Variants in ATP10A observed in about 807,000 individuals in gnomAD.
The protein encoded by ATP10A is phospholipid-transporting ATPase VA.
A neutral mutation model predicts 147.8 loss-of-function variants in ATP10A; 111 were observed. The observed-to-expected ratio is 0.75, with a 90% CI of 0.64 to 0.88. The LOEUF (loss-of-function observed/expected upper bound fraction) is 0.88, where lower values mean the gene tolerates loss of function less well. Among genes scored for constraint, ATP10A ranks in the 40% least tolerant of loss-of-function variants. ATP10A has a pLI of 0.00. For missense variants in ATP10A, 1,927 were observed against 1,959.0 expected (o/e 0.98, Z 0.31); for synonymous variants, 875 against 841.6 (o/e 1.04, Z -0.69).
At chr15:25,832,327 G>A (rs933498006) in intron 1 of ATP10A, among the ~76,000 whole-genome samples, 1 of 152,170 alleles carries the variant, frequency 6.6e-6, no homozygotes, top group Non-Finnish European at 1.5e-5. Flanking sequence ...AGAAGCCTCA[G>A]GAAACTCATT....
chr15:25,779,793 A>G (rs1449491958), intron 2 of ATP10A, among the ~76,000 whole-genome samples: 1 of 152,144 alleles, frequency 6.6e-6, no homozygotes, highest in Non-Finnish European at 1.5e-5. Context: ...GCCTTATTCC[A>G]AAAAGATTTG....
intron 1 of ATP10A, among the ~76,000 whole-genome samples, chr15:25,811,316 A>G (rs1891421018): frequency 6.6e-6 from 1 of 152,178 alleles, no homozygotes; most frequent in East Asian, 1.9e-4. Flanking sequence ...ACAGAGGCAA[A>G]CTTTTCTTTC....
chr15:25,804,713 G>A (rs536930187), intron 1 of ATP10A, among the ~76,000 whole-genome samples: 4 of 152,266 alleles, frequency 2.6e-5, no homozygotes, highest in East Asian at 1.9e-4. Context: ...TGTGAAATGC[G>A]GTAACGACAG....
intron 18 of ATP10A, 27 bp downstream of exon 18, chr15:25,680,966 GA>G: frequency 1.2e-6 from 2 of 1,613,898 alleles, no homozygotes; most frequent in Non-Finnish European, 1.7e-6. Flanking sequence ...CAGCTGGTAA[GA>G]AAAACTGCAC....
chr15:25,756,747 CTGGGTAAATCTTTGGTAA>C (rs1888437468), intron 2 of ATP10A, among the ~76,000 whole-genome samples: 1 of 152,198 alleles, frequency 6.6e-6, no homozygotes, highest in South Asian at 2.1e-4. Context: ...TCCACATTAC[CTGGGTAAATCTTTGGTAA>C]ACAAAACTGG....
At chr15:25,862,595 G>C in intron 1 of ATP10A, 53 bp downstream of exon 1, 9 of 1,462,870 alleles carry the variant, frequency 6.2e-6, no homozygotes, top group Admixed American at 2.3e-5. Context: ...CAAGTTCCCG[G>C]GGCGCCCTGC....
At chr15:25,804,419 CTGCG>C (rs1891086254) in intron 1 of ATP10A, among the ~76,000 whole-genome samples, 1 of 139,964 alleles carries the variant, frequency 7.1e-6, no homozygotes, top group South Asian at 2.3e-4. Context: ...GTGTGTGCAT[CTGCG>C]TGTGTATGTG....
At chr15:25,688,288 C>T (rs1247426392) in intron 15 of ATP10A, among the ~76,000 whole-genome samples, 5 of 152,176 alleles carry the variant, frequency 3.3e-5, no homozygotes, top group Non-Finnish European at 5.9e-5. Context: ...CTGGGAGGTG[C>T]ATTTTGGGCT....
rs1028691025 is a variant in ATP10A, at chr15:25,687,158, G to C, written c.3291+545C>G. ...TCCCAACAGAGGCCATTCAGTATGGGAATCAGAGTGAGGCTAAGTTCCCTT... is the reference window on the plus strand; with the variant it reads ...TCCCAACAGAGGCCATTCAGTATGGCAATCAGAGTGAGGCTAAGTTCCCTT... On this transcript the variant is annotated intron_variant, in intron 16 of 20. Coordinates refer to ENST00000555815, the MANE Select transcript of ATP10A (RefSeq NM_024490.4). Among the ~76,000 whole-genome samples, 5 of 50,400 alleles carry C rather than the reference G, an allele frequency of 9.9e-5. 2 individuals are homozygous for C. The highest frequency in any genetic ancestry group is 1.5e-4 in the Non-Finnish European group (5 of 32,298). 33.1% of individuals were successfully genotyped at this position (50,400 alleles called of 152,430 possible). A position where few individuals can be genotyped will look rare whatever the true frequency, so the allele number is the denominator to read the frequency against.
chr15:25,862,599 G>T (rs371775905), intron 1 of ATP10A, 49 bp downstream of exon 1: 28 of 1,478,408 alleles, frequency 1.9e-5, no homozygotes, highest in Non-Finnish European at 2.5e-5. Flanking sequence ...TTCCCGGGGC[G>T]CCCTGCCCTG....
chr15:25,713,265 C>G (rs1314192884), intron 10 of ATP10A, among the ~76,000 whole-genome samples: 1 of 152,208 alleles, frequency 6.6e-6, no homozygotes, highest in Non-Finnish European at 1.5e-5. Flanking sequence ...AGGCCAGCAT[C>G]CCTTACTTCC....
At chr15:25,834,864 G>C (rs1252159782) in intron 1 of ATP10A, among the ~76,000 whole-genome samples, 1 of 152,186 alleles carries the variant, frequency 6.6e-6, no homozygotes, top group African/African-American at 2.4e-5. Context: ...AGTTACAAAG[G>C]ACCATGTATT....
chr15:25,788,361 G>A lies in ATP10A; in HGVS notation c.450-7138C>T, dbSNP rs142502797. Among the ~76,000 whole-genome samples the A allele has an allele frequency of 9.6e-4, 146 of 152,316 alleles. 1 individual carries two copies. Among genetic ancestry groups the A allele is most frequent in the African/African-American group, 3.3e-3 (139 of 41,570 alleles). On this transcript the variant is annotated intron_variant, in intron 1 of 20. Coordinates refer to ENST00000555815, the MANE Select transcript of ATP10A (RefSeq NM_024490.4). ...CCAGAAGCCTGGACTCTGAGTGCCC[G>A]AGTTCCTGATCTGCAGAACGGGGGT... is the stretch of plus-strand genomic sequence containing the variant.
intron 1 of ATP10A, among the ~76,000 whole-genome samples, chr15:25,818,548 C>G (rs1891759395): frequency 6.6e-6 from 1 of 152,066 alleles, no homozygotes; most frequent in Non-Finnish European, 1.5e-5. Flanking sequence ...TCTACAGATT[C>G]AAAGCAATCC....
chr15:25,716,055 T>C (rs983350514), intron 9 of ATP10A, among the ~76,000 whole-genome samples: 1 of 152,218 alleles, frequency 6.6e-6, no homozygotes, highest in African/African-American at 2.4e-5. Flanking sequence ...CCAAAACCAA[T>C]TTGAGCATTG....
At chr15:25,758,035 TC>T (rs1430208695) in intron 2 of ATP10A, among the ~76,000 whole-genome samples, 1 of 12,776 alleles carries the variant, frequency 7.8e-5, no homozygotes, top group African/African-American at 1.8e-4. Context: ...CCTAACTCAT[TC>T]CGATCACCTG....
intron 2 of ATP10A, among the ~76,000 whole-genome samples, chr15:25,776,865 G>A (rs1889632105): frequency 6.6e-6 from 1 of 152,062 alleles, no homozygotes; most frequent in African/African-American, 2.4e-5. Flanking sequence ...GTAGTGCCTG[G>A]CACCTGAGAC....
intron 2 of ATP10A, among the ~76,000 whole-genome samples, chr15:25,749,336 T>A (rs1292594870): frequency 2.0e-5 from 3 of 152,058 alleles, no homozygotes; most frequent in Non-Finnish European, 2.9e-5. Context: ...ATGGTGCAAA[T>A]AAGAGAGAAA....
At chr15:25,694,167 G>A (rs1900183042) in intron 14 of ATP10A, among the ~76,000 whole-genome samples, 1 of 152,204 alleles carries the variant, frequency 6.6e-6, no homozygotes, top group South Asian at 2.1e-4. Context: ...GAGGCGAGTG[G>A]CCACCATCCC....
Sources: allele counts gnomAD v4.1 joint callset (sites outside exome capture counted in the v4.1 genomes callset), GRCh38; gene constraint gnomAD v4.1.1; transcripts MANE v1.5; gene names NCBI Gene and HGNC (gene_info 2026-07-23, HGNC 2026-07-21).